Variants in CORO2B observed in about 807,000 individuals in gnomAD.
The protein encoded by CORO2B is coronin-2B.
Under a neutral mutation model 58.8 loss-of-function variants are expected in CORO2B, and 26 were observed. That is an observed-to-expected ratio of 0.44 (90% CI 0.32 to 0.61). The LOEUF is 0.61. Among genes scored for constraint, CORO2B ranks in the 20% least tolerant of loss-of-function variants. The pLI, the probability that CORO2B is intolerant of heterozygous loss-of-function variation, is 0.04. For synonymous variants in CORO2B, 242 were observed against 253.8 expected, an observed-to-expected ratio of 0.95 and a Z score of 0.44; for missense variants, 460 against 645.1, an observed-to-expected ratio of 0.71 and a Z score of 3.11.
chr15:68,688,207 GT>G (rs530377454), intron 2 of CORO2B, among the ~76,000 whole-genome samples: 160 of 152,200 alleles, frequency 1.1e-3, no homozygotes, highest in Middle Eastern at 3.4e-3. Flanking sequence ...AATAATATCT[GT>G]TTTTTTAATA....
Position 68,645,489 on chromosome 15 carries a change from G to C in CORO2B, c.216+129G>C. 1 of 831,278 alleles carries C rather than the reference G, an allele frequency of 1.2e-6. No individual in the cohort carries two copies. The highest frequency in any genetic ancestry group is 2.7e-5 in the East Asian group (1 of 37,528). 51.5% of individuals were successfully genotyped at this position (831,278 alleles called of 1,614,324 possible). A position where few individuals can be genotyped will look rare whatever the true frequency, so the allele number is the denominator to read the frequency against. ...CTTTTACTTCCTCATCAAGCATCTA[G>C]TGGCTATGCCTTCTTTAGGGTTTTC... On this transcript the variant is annotated intron_variant, in intron 2 of 11. Transcript: ENST00000261861. The surrounding 1 kb of genome is among the most constrained non-coding windows in gnomAD (Gnocchi z 4.5).
intron 3 of CORO2B, among the ~76,000 whole-genome samples, chr15:68,703,523 A>G (rs1189799884): frequency 3.3e-5 from 5 of 152,166 alleles, no homozygotes; most frequent in Non-Finnish European, 7.3e-5. Flanking sequence ...TTTTTGAAGT[A>G]GCTACTAAGG....
At chr15:68,674,757 ACTAC>A (rs1902520221) in intron 2 of CORO2B, among the ~76,000 whole-genome samples, 1 of 152,166 alleles carries the variant, frequency 6.6e-6, no homozygotes. Context: ...CCTGATCCCA[ACTAC>A]CTTATTCCCT....
the CORO2B span, among the ~76,000 whole-genome samples, chr15:68,557,184 C>T: frequency 2.0e-5 from 3 of 152,176 alleles, no homozygotes; most frequent in African/African-American, 7.2e-5. Context: ...CTGCACTTTC[C>T]CCCAACAGAG....
the CORO2B span, among the ~76,000 whole-genome samples, chr15:68,538,149 G>T: frequency 6.6e-6 from 1 of 151,916 alleles, no homozygotes; most frequent in Non-Finnish European, 1.5e-5. Context: ...CTATCCATTG[G>T]GTAACAGAAG....
At chr15:68,685,985 G>A (rs1461809682) in intron 2 of CORO2B, among the ~76,000 whole-genome samples, 1 of 151,118 alleles carries the variant, frequency 6.6e-6, no homozygotes, top group Non-Finnish European at 1.5e-5. Flanking sequence ...GACCCCTTGT[G>A]GGAACCGCAC....
At chr15:68,694,743 C>A (rs571625847) in intron 2 of CORO2B, among the ~76,000 whole-genome samples, 1 of 152,182 alleles carries the variant, frequency 6.6e-6, no homozygotes, top group South Asian at 2.1e-4. Context: ...CGTGCGTGAA[C>A]AAGGCAGATC....
At chr15:68,520,099 G>A in the CORO2B span, among the ~76,000 whole-genome samples, 4 of 151,868 alleles carry the variant, frequency 2.6e-5, no homozygotes, top group Non-Finnish European at 4.4e-5. Flanking sequence ...TTTCATTATC[G>A]ATTCCTAGAT....
chr15:68,585,685 T>C (rs1201327133), intron 1 of CORO2B, among the ~76,000 whole-genome samples: 6 of 152,230 alleles, frequency 3.9e-5, no homozygotes, highest in Non-Finnish European at 8.8e-5. Context: ...TCTGTTGTGT[T>C]TGTGGCCCTG....
chr15:68,596,629 A>G (rs1453115299), intron 1 of CORO2B, among the ~76,000 whole-genome samples: 1 of 152,150 alleles, frequency 6.6e-6, no homozygotes, highest in Admixed American at 6.5e-5. Flanking sequence ...TAGGTGAAGG[A>G]TAAGGCTGGA....
chr15:68,655,599 C>G (rs1271694735), intron 2 of CORO2B, among the ~76,000 whole-genome samples: 2 of 152,320 alleles, frequency 1.3e-5, no homozygotes, highest in Admixed American at 6.5e-5. Flanking sequence ...AGCCACTTCT[C>G]AGAGTCCACA....
chr15:68,705,835 C>T (rs1359055932), intron 3 of CORO2B, among the ~76,000 whole-genome samples: 2 of 152,184 alleles, frequency 1.3e-5, no homozygotes, highest in South Asian at 2.1e-4. Flanking sequence ...TGAACCCACA[C>T]ACCTCTAACA....
chr15:68,572,906 C>A, the CORO2B span, among the ~76,000 whole-genome samples: 1 of 152,218 alleles, frequency 6.6e-6, no homozygotes, highest in Non-Finnish European at 1.5e-5. Context: ...GGAGGCTGCC[C>A]TGGGGTTTCC....
chr15:68,541,447 G>A, the CORO2B span, among the ~76,000 whole-genome samples: 5 of 152,168 alleles, frequency 3.3e-5, no homozygotes, highest in Admixed American at 3.3e-4. Context: ...AAAGGCTTTA[G>A]AGTAGTTTGG....
At chr15:68,652,873 A>G (rs912276455) in intron 2 of CORO2B, among the ~76,000 whole-genome samples, 1 of 152,226 alleles carries the variant, frequency 6.6e-6, no homozygotes, top group Non-Finnish European at 1.5e-5. Context: ...CCCACCTTAC[A>G]GAGGTTTAGA....
intron 1 of CORO2B, among the ~76,000 whole-genome samples, chr15:68,607,371 A>G (rs1254677440): frequency 6.6e-6 from 1 of 152,186 alleles, no homozygotes; most frequent in Non-Finnish European, 1.5e-5. Flanking sequence ...GATATTTTAC[A>G]TGATGACTTG....
chr15:68,630,232 A>T (rs975950469), intron 1 of CORO2B, among the ~76,000 whole-genome samples: 4 of 152,278 alleles, frequency 2.6e-5, no homozygotes, highest in Admixed American at 2.6e-4. Context: ...GACCCAGGGG[A>T]TGCTGTGTGG....
chr15:68,554,590 C>A, the CORO2B span, among the ~76,000 whole-genome samples: 2 of 152,190 alleles, frequency 1.3e-5, no homozygotes, highest in Non-Finnish European at 2.9e-5. Context: ...CGAGTAACAG[C>A]CCCCGCCCCA....
chr15:68,642,235 C>T (rs141422261), intron 1 of CORO2B, among the ~76,000 whole-genome samples: 1,711 of 152,142 alleles, frequency 0.011, 38 homozygotes, highest in African/African-American at 0.039. Context: ...GGAAGTGGCA[C>T]AGAGAGGTTA....
Sources: allele counts gnomAD v4.1 joint callset (sites outside exome capture counted in the v4.1 genomes callset), GRCh38; gene constraint gnomAD v4.1.1; non-coding constraint Gnocchi (gnomAD v3.1); transcripts MANE v1.5; gene names NCBI Gene and HGNC (gene_info 2026-07-23, HGNC 2026-07-21).